Variants in ZNF831 observed in about 807,000 individuals in gnomAD.
ZNF831 encodes the protein chromosome 20 open reading frame 174.
ZNF831 carries 59 observed loss-of-function variants against 95.8 expected under a neutral mutation model. The ratio of observed to expected loss-of-function variants is 0.62; its 90% CI spans 0.50 to 0.77. The LOEUF (loss-of-function observed/expected upper bound fraction) is 0.77. Among genes scored for constraint, ZNF831 ranks in the 30% least tolerant of loss-of-function variants. The probability of loss-of-function intolerance (pLI) is 0.00; values close to 1 mark genes in which losing one functional copy is unlikely to be tolerated. For synonymous variants in ZNF831, 961 were observed against 925.5 expected, an observed-to-expected ratio of 1.04 and a Z score of -0.70; for missense variants, 2,205 against 2,164.0, an observed-to-expected ratio of 1.02 and a Z score of -0.38.
At chr20:59,177,160 GGA>G (rs775578179) in intron 1 of ZNF831, among the ~76,000 whole-genome samples, 36 of 152,312 alleles carry the variant, frequency 2.4e-4, no homozygotes, top group Non-Finnish European at 5.1e-4. Context: ...CATTTGCCGT[GGA>G]GGAGAGTAAC....
At position 59,256,269 on chromosome 20, in the gene ZNF831, A is replaced by G. The variant is rs1279664677; in HGVS notation, c.*1526A>G. ...TCATAGAAAACTTCAATGCCAGACC[A>G]GCTTCCCTGGTTACTTAGCATATAT... On this transcript the variant is annotated 3_prime_UTR_variant, in exon 6 of 6. Transcript: ENST00000371030. 1 of 152,234 alleles carries G rather than the reference A, an allele frequency of 6.6e-6. No homozygotes were observed. Among genetic ancestry groups the G allele is most frequent in the Non-Finnish European group, 1.5e-5 (1 of 68,038 alleles). 9.4% of individuals were successfully genotyped at this position (152,234 alleles called of 1,614,324 possible).
upstream of ZNF831, among the ~76,000 whole-genome samples, chr20:59,158,952 T>C (rs931884473): frequency 6.6e-5 from 10 of 152,188 alleles, no homozygotes; most frequent in Admixed American, 6.5e-4. Flanking sequence ...ACGTCACCAG[T>C]CTGTCAACTG....
intron 4 of ZNF831, among the ~76,000 whole-genome samples, chr20:59,229,765 G>A (rs775476766): frequency 1.3e-5 from 2 of 152,058 alleles, no homozygotes; most frequent in African/African-American, 2.4e-5. Context: ...TGGCATGATC[G>A]CAGCAGCAGG....
chr20:59,216,350 C>G (rs1365169697), intron 4 of ZNF831, among the ~76,000 whole-genome samples: 4 of 152,240 alleles, frequency 2.6e-5, no homozygotes, highest in Non-Finnish European at 5.9e-5. Flanking sequence ...CTTCCCTTCT[C>G]TGCTTCACTG....
upstream of ZNF831, among the ~76,000 whole-genome samples, chr20:59,159,213 A>T (rs1980706891): frequency 6.6e-6 from 1 of 152,012 alleles, no homozygotes; most frequent in African/African-American, 2.4e-5. Flanking sequence ...GGCTTGCTTA[A>T]CACCAAGCAA....
At chr20:59,215,809 C>T (rs1449838229) in intron 4 of ZNF831, among the ~76,000 whole-genome samples, 6 of 152,142 alleles carry the variant, frequency 3.9e-5, no homozygotes, top group Non-Finnish European at 7.3e-5. Flanking sequence ...AGCTGTTTAT[C>T]GATACTGAAA....
intron 1 of ZNF831, among the ~76,000 whole-genome samples, chr20:59,128,852 C>T (rs1193682922): frequency 1.3e-5 from 2 of 152,242 alleles, no homozygotes; most frequent in Admixed American, 6.5e-5. Context: ...ACCTCCACCT[C>T]CCGGGTTCAA....
chr20:59,192,587 G>C lies in ZNF831; in HGVS notation c.1568G>C (p.Arg523Pro), dbSNP rs766888390. Residue 523 changes from arginine to proline, a missense_variant, in exon 2 of 6, where the codon CGG becomes CCG. Physicochemically the swap from Arg to Pro is moderately radical, Grantham distance 103. Coordinates refer to ENST00000371030, the MANE Select transcript of ZNF831 (RefSeq NM_178457.3). The surrounding 1 kb of genome is among the most constrained non-coding windows in gnomAD (Gnocchi z 5.2). ...ACGTGGCTGGAGCCCAGGGAGCCCC[G>C]GGACCCCTGGTCCAGGACGCAGAAG... is the stretch of plus-strand genomic sequence containing the variant. ...SRTWLEPREPRDPWSRTQKPL... is the reference protein window; with the variant it reads ...SRTWLEPREPPDPWSRTQKPL... 2.6e-6 allele frequency: 4 copies of C among 1,511,868 alleles called. No homozygotes were observed. The highest frequency in any genetic ancestry group is 3.5e-6 in the Non-Finnish European group (4 of 1,133,916). 93.7% of individuals were successfully genotyped at this position (1,511,868 alleles called of 1,614,324 possible).
chr20:59,232,062 C>G (rs1161290762), intron 4 of ZNF831, among the ~76,000 whole-genome samples: 1 of 152,104 alleles, frequency 6.6e-6, no homozygotes, highest in African/African-American at 2.4e-5. Flanking sequence ...ACCCGTACAC[C>G]CTTCCAGAAA....
Position 59,193,833 on chromosome 20 carries a change from C to T in ZNF831, c.2814C>T (p.Ser938=), listed in dbSNP as rs2146590188. ...CTGCCCTGGCAGATAATGCCTTTTC[C>T]CCCAAGTACCTCCTCAGGTTACCTC... The part of the protein sequence containing the change: ...VLSALADNAF[S]PKYLLRLPQA... The change falls in exon 2 of 6, where the codon TCC becomes TCT. Residue 938 remains serine (S), a synonymous_variant. Transcript: ENST00000371030. 1 of 1,613,250 alleles carries T rather than the reference C, an allele frequency of 6.2e-7. No individual in the cohort carries two copies. The highest frequency in any genetic ancestry group is 1.1e-5 in the South Asian group (1 of 90,916).
chr20:59,178,978 G>A lies in ZNF831; in HGVS notation c.-36-12006G>A, dbSNP rs115205175. Among the ~76,000 whole-genome samples the A allele has an allele frequency of 5.3e-3, 803 of 152,176 alleles. 9 individuals carry two copies. The highest frequency in any genetic ancestry group is 0.018 in the African/African-American group (756 of 41,518). On this transcript the variant is annotated intron_variant, in intron 1 of 5. Transcript: ENST00000371030. ...CAGTCTCCTTATGTCCCCATATGTC[G>A]TGTCCTTTTACCCATCCTCCACCCC... is the stretch of plus-strand genomic sequence containing the variant.
rs1304403685 is a variant in ZNF831, at chr20:59,193,935, G to A, written c.2916G>A (p.Trp972Ter). Residue 972 changes from tryptophan to a stop codon, truncating the protein, a stop_gained, in exon 2 of 6, where the codon TGG becomes TGA. Transcript: ENST00000371030. LOFTEE classifies it high-confidence loss of function. Reference protein sequence around the residue: ...HSQDSLCSSGWPEERASFVGS... With the variant: ...HSQDSLCSSG ...AGGACTCTCTCTGCAGCAGTGGGTG[G>A]CCTGAAGAACGGGCATCATTTGTTG... The A allele has an allele frequency of 6.3e-7, 1 of 1,590,016 alleles. No individual in the cohort carries two copies. Among genetic ancestry groups the A allele is most frequent in the Non-Finnish European group, 8.6e-7 (1 of 1,168,140 alleles).
intron 4 of ZNF831, among the ~76,000 whole-genome samples, chr20:59,244,213 A>G (rs542077178): frequency 6.6e-6 from 1 of 152,198 alleles, no homozygotes; most frequent in South Asian, 2.1e-4. Context: ...TTACTGAGAG[A>G]GGCAAAGTTT....
intron 4 of ZNF831, among the ~76,000 whole-genome samples, chr20:59,215,010 C>T (rs959968282): frequency 2.0e-5 from 3 of 152,220 alleles, no homozygotes. Context: ...CTGCACATCT[C>T]TTTCTAGCCG....
chr20:59,237,858 A>G (rs1987088304), intron 4 of ZNF831, among the ~76,000 whole-genome samples: 2 of 152,232 alleles, frequency 1.3e-5, no homozygotes, highest in Non-Finnish European at 2.9e-5. Context: ...TGACGTCTTC[A>G]GACTGATTCG....
chr20:59,134,655 G>A (rs1979448738), intron 1 of ZNF831, among the ~76,000 whole-genome samples: 1 of 152,196 alleles, frequency 6.6e-6, no homozygotes, highest in African/African-American at 2.4e-5. Flanking sequence ...TCAAGACACT[G>A]TTCTCACATG....
intron 1 of ZNF831, among the ~76,000 whole-genome samples, chr20:59,181,179 G>C (rs1430509724): frequency 3.3e-5 from 5 of 151,978 alleles, no homozygotes; most frequent in Non-Finnish European, 4.4e-5. Flanking sequence ...GTTTTCTTTT[G>C]AGAAGTATCT....
rs2146556269 is a variant in ZNF831, at chr20:59,191,913, G to A, written c.894G>A (p.Trp298Ter). ...TCCCAGCGGCCAGCACACAACCCTG[G>A]CGTAAGTTGCCAGAGCAGAAGTCGC... ...PGLPAASTQP[W>*]RKLPEQKSPT... Residue 298 changes from tryptophan to a stop codon, truncating the protein, a stop_gained, in exon 2 of 6, where the codon TGG becomes TGA. Transcript: ENST00000371030. LOFTEE classifies it high-confidence loss of function. 3.1e-6 allele frequency: 5 copies of A among 1,612,346 alleles called. No individual in the cohort carries two copies. The highest frequency in any genetic ancestry group is 4.2e-6 in the Non-Finnish European group (5 of 1,179,826).
At chr20:59,161,255 A>G (rs1284505010), upstream of ZNF831, among the ~76,000 whole-genome samples, 1 of 151,856 alleles carries the variant, frequency 6.6e-6, no homozygotes, top group African/African-American at 2.4e-5. Flanking sequence ...CCCATACATT[A>G]CAGTCACTCT....
Sources: allele counts gnomAD v4.1 joint callset (sites outside exome capture counted in the v4.1 genomes callset), GRCh38; gene constraint gnomAD v4.1.1; non-coding constraint Gnocchi (gnomAD v3.1); transcripts MANE v1.5; gene names NCBI Gene and HGNC (gene_info 2026-07-23, HGNC 2026-07-21).